Variants in CYFIP2 observed in about 807,000 individuals in gnomAD.
CYFIP2 encodes the protein cytoplasmic FMR1-interacting protein 2.
Under a neutral mutation model 158.7 loss-of-function variants are expected in CYFIP2, and 29 were observed. That is an observed-to-expected ratio of 0.18 (90% CI 0.14 to 0.25). The LOEUF (loss-of-function observed/expected upper bound fraction) is 0.25, where lower values mean the gene tolerates loss of function less well. Ranked by LOEUF, CYFIP2 falls within the 10% of genes least tolerant of loss-of-function variation. The pLI, the probability that CYFIP2 is intolerant of heterozygous loss-of-function variation, is 1.00. For missense variants in CYFIP2, 852 were observed against 1,639.5 expected, an observed-to-expected ratio of 0.52 and a Z score of 8.29; for synonymous variants, 585 against 617.6, an observed-to-expected ratio of 0.95 and a Z score of 0.78.
chr5:157,340,205 C>T (rs1271106402), intron 22 of CYFIP2, among the ~76,000 whole-genome samples: 4 of 152,238 alleles, frequency 2.6e-5, no homozygotes, highest in Non-Finnish European at 5.9e-5. Flanking sequence ...TATATATTCA[C>T]ATACAAAATA....
At chr5:157,298,785 T>C (rs1000605094) in intron 5 of CYFIP2, among the ~76,000 whole-genome samples, 1 of 152,212 alleles carries the variant, frequency 6.6e-6, no homozygotes, top group Non-Finnish European at 1.5e-5. Flanking sequence ...GATTTGCCTG[T>C]TCTGGACATT....
At chr5:157,278,709 G>A (rs1385459992) in intron 1 of CYFIP2, among the ~76,000 whole-genome samples, 3 of 152,122 alleles carry the variant, frequency 2.0e-5, no homozygotes, top group African/African-American at 7.2e-5. Context: ...AGAATTGTTG[G>A]AGTATTTAAT....
chr5:157,317,207 T>G (rs778073689), intron 13 of CYFIP2, among the ~76,000 whole-genome samples: 4 of 152,216 alleles, frequency 2.6e-5, no homozygotes, highest in Non-Finnish European at 5.9e-5. Flanking sequence ...CATGTCACTC[T>G]ATTTCCATCT....
At chr5:157,381,041 C>G (rs1455402127) in intron 26 of CYFIP2, among the ~76,000 whole-genome samples, 1 of 152,126 alleles carries the variant, frequency 6.6e-6, no homozygotes, top group Non-Finnish European at 1.5e-5. Flanking sequence ...ATGGCAAAAC[C>G]CCATCTCTAC....
At chr5:157,381,302 ACATAT>A (rs1170942880) in intron 26 of CYFIP2, among the ~76,000 whole-genome samples, 1 of 151,972 alleles carries the variant, frequency 6.6e-6, no homozygotes, top group Non-Finnish European at 1.5e-5. Context: ...ACTGAACAAT[ACATAT>A]CATTATTGTA....
At chr5:157,350,805 CA>C (rs1341888170) in intron 23 of CYFIP2, among the ~76,000 whole-genome samples, 34 of 152,180 alleles carry the variant, frequency 2.2e-4, no homozygotes, top group Non-Finnish European at 3.5e-4. Context: ...TGATTTCTTT[CA>C]ACAGTATTTT....
intron 26 of CYFIP2, chr5:157,364,394 A>G (rs957010987): frequency 6.6e-5 from 10 of 152,326 alleles, no homozygotes; most frequent in African/African-American, 2.4e-4. Flanking sequence ...ACTCACATGT[A>G]TCACTGAGGA....
At chr5:157,382,777 A>G (rs919830458) in intron 27 of CYFIP2, 115 bp downstream of exon 27, 1 of 1,066,876 alleles carries the variant, frequency 9.4e-7, no homozygotes, top group Non-Finnish European at 1.4e-6. Flanking sequence ...AGCTTTGGAC[A>G]CCTATTGAAT....
intron 5 of CYFIP2, among the ~76,000 whole-genome samples, chr5:157,299,031 G>T (rs954094472): frequency 1.3e-5 from 2 of 152,064 alleles, no homozygotes; most frequent in South Asian, 2.1e-4. Flanking sequence ...GATCGTTCAC[G>T]TACAAGTATT....
At chr5:157,383,065 G>A (rs1399481615) in intron 27 of CYFIP2, among the ~76,000 whole-genome samples, 200 bp from the exon 28 acceptor site, 1 of 152,108 alleles carries the variant, frequency 6.6e-6, no homozygotes, top group Middle Eastern at 3.2e-3. Context: ...GAAGGCAGAC[G>A]ATTCCATTCT....
chr5:157,358,520 G>A (rs1763576220), intron 23 of CYFIP2, among the ~76,000 whole-genome samples: 1 of 152,212 alleles, frequency 6.6e-6, no homozygotes, highest in African/African-American at 2.4e-5. Context: ...TCCCAGGCCT[G>A]TGTGTTCCCA....
intron 13 of CYFIP2, among the ~76,000 whole-genome samples, chr5:157,317,266 T>G (rs1336065900): frequency 6.6e-6 from 1 of 152,120 alleles, no homozygotes; most frequent in Non-Finnish European, 1.5e-5. Flanking sequence ...TTTATCTCAT[T>G]AATAAAACAT....
intron 26 of CYFIP2, among the ~76,000 whole-genome samples, chr5:157,373,764 A>G (rs575853551): frequency 5.3e-5 from 8 of 152,342 alleles, no homozygotes; most frequent in Non-Finnish European, 1.0e-4. Context: ...TGGTATGTGC[A>G]GAGAAGAACT....
rs1445142826 is a variant in CYFIP2, at chr5:157,361,441, C to T, written c.2909-27C>T. The T allele has an allele frequency of 1.2e-6, 2 of 1,613,332 alleles. No individual in the cohort carries two copies. The highest frequency in any genetic ancestry group is 2.2e-5 in the South Asian group (2 of 91,046). On this transcript the variant is annotated intron_variant, in intron 25 of 30. Coordinates refer to ENST00000620254, the MANE Select transcript of CYFIP2 (RefSeq NM_001037333.3). This position sits in a 1 kb window ranked among gnomAD's most constrained non-coding sequence, Gnocchi z 4.4. ...ACCCTACTGAGCAGTGTCAACTTCC[C>T]ACTGACCACCCCGATTCACCTCCCA... is the stretch of plus-strand genomic sequence containing the variant.
intron 23 of CYFIP2, among the ~76,000 whole-genome samples, chr5:157,351,848 C>G (rs549133821): frequency 6.6e-6 from 1 of 152,186 alleles, no homozygotes; most frequent in Non-Finnish European, 1.5e-5. Flanking sequence ...ACTAAAAGCT[C>G]TTACAGAGAA....
rs1444848605 is a variant in CYFIP2, at chr5:157,311,015, T to C, written c.993-649T>C. On this transcript the variant is annotated intron_variant, in intron 10 of 30. Coordinates refer to ENST00000620254, the MANE Select transcript of CYFIP2 (RefSeq NM_001037333.3). This position sits in a 1 kb window ranked among gnomAD's most constrained non-coding sequence, Gnocchi z 4.7. ...CTCTGACTTAGGATGGTTTTCCTAA[T>C]GACATCTTTTCACAAGGCGTGGAAA... 2.2e-6 allele frequency: 1 copy of C among 452,852 alleles called. No homozygotes were observed. Among genetic ancestry groups the C allele is most frequent in the Non-Finnish European group, 4.4e-6 (1 of 226,454 alleles). 28.1% of individuals were successfully genotyped at this position (452,852 alleles called of 1,614,324 possible). A position where few individuals can be genotyped will look rare whatever the true frequency, so the allele number is the denominator to read the frequency against.
intron 22 of CYFIP2, among the ~76,000 whole-genome samples, chr5:157,339,945 C>T (rs1762127111): frequency 6.6e-6 from 1 of 152,178 alleles, no homozygotes; most frequent in South Asian, 2.1e-4. Context: ...CAGGATCGTG[C>T]ATTTTTATTA....
chr5:157,302,137 C>G (rs1475825496), intron 6 of CYFIP2, among the ~76,000 whole-genome samples: 6 of 152,304 alleles, frequency 3.9e-5, no homozygotes, highest in Non-Finnish European at 8.8e-5. Flanking sequence ...CCTCTGCCGC[C>G]CAGCTAGGTC....
At position 157,393,199 on chromosome 5, in the gene CYFIP2, G is replaced by T; in HGVS notation, c.*199G>T. 8.2e-6 allele frequency: 3 copies of T among 366,212 alleles called. No individual in the cohort carries two copies. Among genetic ancestry groups the T allele is most frequent in the Non-Finnish European group, 1.4e-5 (3 of 217,818 alleles). The allele number at this position is 366,212 out of a possible 1,614,324, so 22.7% of individuals were successfully genotyped here. A position where few individuals can be genotyped will look rare whatever the true frequency, so the allele number is the denominator to read the frequency against. On this transcript the variant is annotated 3_prime_UTR_variant, in exon 31 of 31. Transcript: ENST00000620254. ...ACATCTCCATGCTGGTTTCTCCATA[G>T]CATAAATGAAAAAAAAAAAAAAAAA... is the stretch of plus-strand genomic sequence containing the variant.
Sources: gnomAD v4.1 joint callset for allele counts (sites outside exome capture counted in the v4.1 genomes callset) on GRCh38, gnomAD v4.1.1 for gene constraint, Gnocchi (gnomAD v3.1) non-coding constraint, MANE v1.5 for transcripts, NCBI Gene and HGNC (gene_info 2026-07-23, HGNC 2026-07-21) for gene names.